The following SIL1 variants were observed in gnomAD, a reference collection of about 807,000 sequenced individuals.
SIL1 encodes SIL1 nucleotide exchange factor, also known as nucleotide exchange factor SIL1.
In SIL1, 40 loss-of-function variants were observed where a neutral mutation model predicts 49.1. The observed-to-expected ratio is 0.81, with a 90% CI of 0.63 to 1.06. SIL1 has a LOEUF of 1.06. Ranked by LOEUF, SIL1 falls within the 50% of genes least tolerant of loss-of-function variation. The pLI is 0.00. For missense variants in SIL1, 500 were observed against 572.6 expected (o/e 0.87, Z 1.29); for synonymous variants, 253 against 250.8 (o/e 1.01, Z -0.08).
intron 3 of SIL1, among the ~76,000 whole-genome samples, chr5:139,080,363 G>A (rs895501620): frequency 6.6e-6 from 1 of 152,192 alleles, no homozygotes; most frequent in African/African-American, 2.4e-5. Context: ...CCAAGTCCTG[G>A]CTAGAGCTTT....
At chr5:139,101,536 A>G (rs1257988879) in intron 3 of SIL1, among the ~76,000 whole-genome samples, 9 of 152,206 alleles carry the variant, frequency 5.9e-5, no homozygotes, top group African/African-American at 9.7e-5. Flanking sequence ...AGCTTCCTTT[A>G]AGAAGAAAAG....
chr5:139,146,031 A>G (rs1751190366), intron 1 of SIL1, among the ~76,000 whole-genome samples: 1 of 152,020 alleles, frequency 6.6e-6, no homozygotes. Context: ...TTTGGTAGAG[A>G]TGGGGTCTCA....
At chr5:139,163,988 G>A (rs767336755) in intron 1 of SIL1, among the ~76,000 whole-genome samples, 3 of 151,940 alleles carry the variant, frequency 2.0e-5, no homozygotes, top group South Asian at 2.1e-4. Context: ...GTATGGTGGC[G>A]TAAGCCTGTA....
intron 7 of SIL1, among the ~76,000 whole-genome samples, chr5:138,966,868 A>G (rs1767155780): frequency 6.6e-6 from 1 of 152,244 alleles, no homozygotes. Context: ...ATAGGAGCTA[A>G]GAAAACTGGA....
chr5:138,951,688 G>C, intron 8 of SIL1, 100 bp downstream of exon 8: 1 of 1,130,144 alleles, frequency 8.8e-7, no homozygotes, highest in Non-Finnish European at 1.3e-6. Flanking sequence ...ATGATGCTCA[G>C]GCCCCCATGG....
At chr5:139,032,942 T>C (rs1279206246) in intron 5 of SIL1, 1 of 152,198 alleles carries the variant, frequency 6.6e-6, no homozygotes, top group African/African-American at 2.4e-5. Flanking sequence ...GTAATTTTTA[T>C]CTTAGTGCTT....
intron 3 of SIL1, among the ~76,000 whole-genome samples, chr5:139,107,504 A>G (rs1022410600): frequency 6.6e-6 from 1 of 152,340 alleles, no homozygotes; most frequent in African/African-American, 2.4e-5. Context: ...GAAATTATAC[A>G]ACAGTAGTAA....
chr5:138,976,736 C>T (rs1174745377), intron 7 of SIL1, among the ~76,000 whole-genome samples: 1 of 152,090 alleles, frequency 6.6e-6, no homozygotes. Context: ...GATCTATGTC[C>T]TTTTGGTATA....
intron 3 of SIL1, among the ~76,000 whole-genome samples, chr5:139,112,995 G>A (rs1437911195): frequency 6.6e-6 from 1 of 152,188 alleles, no homozygotes; most frequent in Non-Finnish European, 1.5e-5. Flanking sequence ...CTATGACCTT[G>A]CCCCCAACCC....
intron 3 of SIL1, among the ~76,000 whole-genome samples, chr5:139,070,935 T>C (rs1769817834): frequency 1.3e-5 from 2 of 152,100 alleles, no homozygotes; most frequent in Admixed American, 6.5e-5. Flanking sequence ...AAAGAAATGA[T>C]AGATTTGAGT....
intron 7 of SIL1, among the ~76,000 whole-genome samples, chr5:138,965,914 G>C (rs1767129131): frequency 6.6e-6 from 1 of 151,868 alleles, no homozygotes; most frequent in Non-Finnish European, 1.5e-5. Context: ...CTTATACAGA[G>C]AGTGACCATA....
At chr5:139,080,738 A>G (rs1411632153) in intron 3 of SIL1, among the ~76,000 whole-genome samples, 1 of 152,228 alleles carries the variant, frequency 6.6e-6, no homozygotes, top group East Asian at 1.9e-4. Flanking sequence ...CTGCTTTCTC[A>G]GCAGACAACT....
At chr5:139,143,268 TAC>T (rs1202615888) in intron 1 of SIL1, among the ~76,000 whole-genome samples, 3 of 146,918 alleles carry the variant, frequency 2.0e-5, no homozygotes, top group African/African-American at 7.6e-5. Context: ...AACACATATA[TAC>T]ACACATATGT....
At chr5:138,962,153 T>C (rs1393258037) in intron 7 of SIL1, among the ~76,000 whole-genome samples, 1 of 152,092 alleles carries the variant, frequency 6.6e-6, no homozygotes, top group Non-Finnish European at 1.5e-5. Flanking sequence ...AGATACCCCG[T>C]GCACCACGCC....
intron 7 of SIL1, among the ~76,000 whole-genome samples, chr5:138,952,744 T>G (rs1027541780): frequency 6.6e-6 from 1 of 152,234 alleles, no homozygotes. Flanking sequence ...AATAGTGATG[T>G]GATTAAAACA....
intron 7 of SIL1, among the ~76,000 whole-genome samples, chr5:138,969,546 TC>T: frequency 6.6e-6 from 1 of 152,196 alleles, no homozygotes; most frequent in South Asian, 2.1e-4. Context: ...CCCTGTTCCA[TC>T]TGAGAGCCAC....
At chr5:138,964,688 T>G (rs760198533) in intron 7 of SIL1, among the ~76,000 whole-genome samples, 3 of 152,238 alleles carry the variant, frequency 2.0e-5, no homozygotes, top group Non-Finnish European at 2.9e-5. Context: ...CAATTGTTGC[T>G]GAATCAAACA....
chr5:139,096,595 C>T lies in SIL1; in HGVS notation c.244+24440G>A, dbSNP rs116274814. On this transcript the variant is annotated intron_variant, in intron 3 of 9. Coordinates refer to ENST00000394817, the MANE Select transcript of SIL1 (RefSeq NM_022464.5). Reference sequence around the variant, plus strand: ...GAGAAAAGAGTGGGGAGGACTTCATCTTGCATCTTGAATACCGGCTCAGCC... The same window carrying T: ...GAGAAAAGAGTGGGGAGGACTTCATTTTGCATCTTGAATACCGGCTCAGCC... 7.0e-3 allele frequency among the ~76,000 whole-genome samples: 1,057 copies of T among 151,634 alleles called. 6 individuals are homozygous for T. Among genetic ancestry groups the T allele is most frequent in the Non-Finnish European group, 0.011 (761 of 67,932 alleles).
intron 3 of SIL1, among the ~76,000 whole-genome samples, chr5:139,117,165 T>C (rs867111668): frequency 1.3e-4 from 20 of 152,204 alleles, no homozygotes; most frequent in African/African-American, 4.1e-4. Context: ...GTTTTTGTCT[T>C]TGTTCTCTGT....
Sources: allele counts gnomAD v4.1 joint callset (sites outside exome capture counted in the v4.1 genomes callset), GRCh38; gene constraint gnomAD v4.1.1; transcripts MANE v1.5; gene names NCBI Gene and HGNC (gene_info 2026-07-23, HGNC 2026-07-21).